GRID1: variants seen among roughly 807,000 people sequenced by gnomAD.
The protein encoded by GRID1 is glutamate receptor ionotropic, delta-1.
GRID1 carries 28 observed loss-of-function variants against 98.0 expected under a neutral mutation model. The ratio of observed to expected loss-of-function variants is 0.29; its 90% CI spans 0.21 to 0.39. The LOEUF is 0.39. GRID1 is among the 10% of genes least tolerant of loss of function. The pLI is 1.00. For missense variants in GRID1, 1,111 were observed against 1,340.5 expected (o/e 0.83, Z 2.67); for synonymous variants, 553 against 538.5 (o/e 1.03, Z -0.37).
intron 12 of GRID1, among the ~76,000 whole-genome samples, chr10:85,705,656 A>G (rs1050314738): frequency 6.6e-6 from 1 of 152,224 alleles, no homozygotes; most frequent in African/African-American, 2.4e-5. Context: ...AACAACAAAA[A>G]CAGAGAATTT....
Position 86,221,420 on chromosome 10 carries a change from C to T in GRID1, c.236-14772G>A, listed in dbSNP as rs1332242994. Among the ~76,000 whole-genome samples, 4 of 152,304 alleles carry T rather than the reference C, an allele frequency of 2.6e-5. No homozygotes were observed. The South Asian group carries it at 6.2e-4, about 24-fold the overall frequency. On this transcript the variant is annotated intron_variant, in intron 2 of 15. Coordinates refer to ENST00000327946, the MANE Select transcript of GRID1 (RefSeq NM_017551.3). ...CCCCCACAAAACTCCTCAAGCACGC[C>T]GTGCTGGGAACACAGAACTGAGGCA...
intron 2 of GRID1, among the ~76,000 whole-genome samples, chr10:86,337,410 G>A (rs1189876841): frequency 2.6e-5 from 4 of 152,138 alleles, no homozygotes; most frequent in Non-Finnish European, 4.4e-5. Context: ...ACACCATCCT[G>A]TAAGGGGCAG....
rs188978674 is a variant in GRID1 at position 86,104,462 on chromosome 10, G to A, written c.726+34357C>T. Among the ~76,000 whole-genome samples, 1,503 of 152,330 alleles carry A rather than the reference G, an allele frequency of 9.9e-3. 18 individuals are homozygous for A. The highest frequency in any genetic ancestry group is 0.014 in the Non-Finnish European group (929 of 68,018). On this transcript the variant is annotated intron_variant, in intron 4 of 15. Transcript: ENST00000327946. ...GCATAGGATTCCCTCCCAGGGTAAA[G>A]GTCCCTGCTGCAAGGATGGCCCAGA... is the stretch of plus-strand genomic sequence containing the variant.
intron 2 of GRID1, among the ~76,000 whole-genome samples, chr10:86,360,663 T>C (rs1037694663): frequency 5.3e-5 from 8 of 152,192 alleles, no homozygotes; most frequent in Non-Finnish European, 4.4e-5. Flanking sequence ...GGAAAGGGAA[T>C]TACTGTTTAC....
chr10:86,033,252 T>C lies in GRID1; in HGVS notation c.726+105567A>G, dbSNP rs368158496. On this transcript the variant is annotated intron_variant, in intron 4 of 15. Transcript: ENST00000327946. ...TTCCAAGAAAAATGTGAAAAGTAAATGTTATGGTAACAAATTGCCCATGAT... is the reference window on the plus strand; with the variant it reads ...TTCCAAGAAAAATGTGAAAAGTAAACGTTATGGTAACAAATTGCCCATGAT... Among the ~76,000 whole-genome samples, 14 of 152,178 alleles carry C rather than the reference T, an allele frequency of 9.2e-5. No individual in the cohort carries two copies. In the East Asian group the frequency reaches 2.3e-3, roughly 25 times the overall value.
rs147829310 is a variant in GRID1 at position 86,109,287 on chromosome 10, G to T, written c.726+29532C>A. 1.0e-3 allele frequency among the ~76,000 whole-genome samples: 154 copies of T among 152,336 alleles called. 2 individuals are homozygous for T. Among genetic ancestry groups the T allele is most frequent in the African/African-American group, 3.6e-3 (151 of 41,566 alleles). On this transcript the variant is annotated intron_variant, in intron 4 of 15. Transcript: ENST00000327946. ...AACAGAAGGAAAGAGCAAATCTGACGTGCAAAGAAAATGAAACACTGAGTG... is the reference window on the plus strand; with the variant it reads ...AACAGAAGGAAAGAGCAAATCTGACTTGCAAAGAAAATGAAACACTGAGTG...
At chr10:86,224,554 G>A (rs1200209612) in intron 2 of GRID1, among the ~76,000 whole-genome samples, 3 of 152,124 alleles carry the variant, frequency 2.0e-5, no homozygotes, top group African/African-American at 7.2e-5. Context: ...CACAAAAATA[G>A]GGGAGACGCA....
intron 4 of GRID1, among the ~76,000 whole-genome samples, chr10:86,133,795 G>C (rs1026280155): frequency 2.0e-5 from 3 of 152,216 alleles, no homozygotes; most frequent in Non-Finnish European, 2.9e-5. Context: ...CTAGTTACAG[G>C]GACAGATTAT....
At chr10:85,829,589 A>T (rs1842849942) in intron 8 of GRID1, among the ~76,000 whole-genome samples, 1 of 152,186 alleles carries the variant, frequency 6.6e-6, no homozygotes, top group Non-Finnish European at 1.5e-5. Flanking sequence ...TCTGATAGTC[A>T]ATTTCTGCAA....
chr10:86,174,146 C>T (rs544452971), intron 3 of GRID1, among the ~76,000 whole-genome samples: 59 of 152,212 alleles, frequency 3.9e-4, no homozygotes, highest in Non-Finnish European at 6.6e-4. Context: ...CCTGAGGAAT[C>T]GCCACATTGA....
chr10:85,947,597 G>C (rs1400499184), intron 4 of GRID1, among the ~76,000 whole-genome samples: 4 of 152,164 alleles, frequency 2.6e-5, no homozygotes, highest in Non-Finnish European at 5.9e-5. Context: ...TGACTCTGCA[G>C]GATGCTGTGC....
intron 4 of GRID1, among the ~76,000 whole-genome samples, chr10:86,022,733 C>T (rs1843066072): frequency 6.6e-6 from 1 of 152,058 alleles, no homozygotes; most frequent in East Asian, 1.9e-4. Context: ...GCCTGGCCAA[C>T]ATGGTGAAAC....
At chr10:86,217,809 C>T (rs1846197336) in intron 2 of GRID1, among the ~76,000 whole-genome samples, 1 of 152,118 alleles carries the variant, frequency 6.6e-6, no homozygotes, top group Non-Finnish European at 1.5e-5. Flanking sequence ...CTCCTGGTAA[C>T]AGACCACTGA....
chr10:86,028,836 C>A (rs1161762470), intron 4 of GRID1, among the ~76,000 whole-genome samples: 1 of 152,218 alleles, frequency 6.6e-6, no homozygotes, highest in East Asian at 1.9e-4. Flanking sequence ...AAAAAAAAGT[C>A]CCAGCTCTTC....
At chr10:86,343,250 A>G (rs1848336352) in intron 2 of GRID1, among the ~76,000 whole-genome samples, 1 of 152,234 alleles carries the variant, frequency 6.6e-6, no homozygotes, top group Admixed American at 6.5e-5. Context: ...ATTTCTATAT[A>G]TAAAATAAAT....
chr10:85,941,351 A>C (rs1469555509), intron 4 of GRID1, among the ~76,000 whole-genome samples: 2 of 152,242 alleles, frequency 1.3e-5, no homozygotes, highest in Non-Finnish European at 2.9e-5. Flanking sequence ...ATAGGATGAC[A>C]CACAAAAACC....
intron 12 of GRID1, among the ~76,000 whole-genome samples, chr10:85,719,138 T>C (rs1018861977): frequency 6.6e-6 from 1 of 152,198 alleles, no homozygotes; most frequent in Non-Finnish European, 1.5e-5. Context: ...CAGTTCCCGA[T>C]AAGTTCCTCA....
At chr10:85,799,293 C>A (rs1015807954) in intron 8 of GRID1, among the ~76,000 whole-genome samples, 1 of 152,008 alleles carries the variant, frequency 6.6e-6, no homozygotes, top group African/African-American at 2.4e-5. Context: ...CAGCTTTGTT[C>A]TTTTTGTTTA....
intron 9 of GRID1, 127 bp downstream of exon 9, chr10:85,729,386 C>T: frequency 5.2e-6 from 3 of 577,762 alleles, no homozygotes; most frequent in Admixed American, 2.9e-5. Flanking sequence ...GAATGAAAGG[C>T]CTTATGAAAG....
Sources: allele counts gnomAD v4.1 joint callset (sites outside exome capture counted in the v4.1 genomes callset), GRCh38; gene constraint gnomAD v4.1.1; transcripts MANE v1.5; gene names NCBI Gene and HGNC (gene_info 2026-07-23, HGNC 2026-07-21).